TACR1: variants seen among roughly 807,000 people sequenced by gnomAD.
The protein encoded by TACR1 is substance-P receptor.
In TACR1, 25 loss-of-function variants were observed where a neutral mutation model predicts 35.8. The observed-to-expected ratio is 0.70, with a 90% CI of 0.51 to 0.98. The LOEUF (loss-of-function observed/expected upper bound fraction) is 0.98, where lower values mean the gene tolerates loss of function less well. TACR1 is among the 50% of genes least tolerant of loss of function. TACR1 has a pLI of 0.00. For missense variants in TACR1, 478 were observed against 522.9 expected (o/e 0.91, Z 0.84); for synonymous variants, 195 against 206.7 (o/e 0.94, Z 0.48).
At chr2:75,122,017 G>T (rs1356532311) in intron 1 of TACR1, among the ~76,000 whole-genome samples, 4 of 152,200 alleles carry the variant, frequency 2.6e-5, no homozygotes, top group Non-Finnish European at 5.9e-5. Context: ...TATTCAGTAT[G>T]CGCTCAATAA....
At position 75,164,220 on chromosome 2, in the gene TACR1, G is replaced by A. The variant is rs184719345; in HGVS notation, c.389+34326C>T. ...CGGGCACCTGTGATCCCAGCTACTCGGGAGGCTGAGGCAGGAGAATGGCGT... is the reference window on the plus strand; with the variant it reads ...CGGGCACCTGTGATCCCAGCTACTCAGGAGGCTGAGGCAGGAGAATGGCGT... On this transcript the variant is annotated intron_variant, in intron 1 of 4. Transcript: ENST00000305249. Among the ~76,000 whole-genome samples, 1,102 of 151,840 alleles carry A rather than the reference G, an allele frequency of 7.3e-3. 23 individuals carry two copies. Among genetic ancestry groups the A allele is most frequent in the African/African-American group, 0.026 (1,061 of 41,400 alleles).
At chr2:75,189,533 G>C (rs1162439868) in intron 1 of TACR1, 2 of 152,224 alleles carry the variant, frequency 1.3e-5, no homozygotes, top group African/African-American at 4.8e-5. Context: ...TGATATATTA[G>C]AGAATTTGAC....
At chr2:75,100,522 A>G (rs908924785) in intron 2 of TACR1, among the ~76,000 whole-genome samples, 4 of 152,140 alleles carry the variant, frequency 2.6e-5, no homozygotes, top group Admixed American at 6.5e-5. Context: ...GCTGATTACT[A>G]TCTTGGTCTG....
At chr2:75,121,598 G>T (rs1300163408) in intron 1 of TACR1, among the ~76,000 whole-genome samples, 1 of 151,882 alleles carries the variant, frequency 6.6e-6, no homozygotes, top group African/African-American at 2.4e-5. Context: ...ATGTTGCAGA[G>T]ATTTGAAGGA....
intron 2 of TACR1, among the ~76,000 whole-genome samples, chr2:75,070,215 ATGTATGTGTGTG>A (rs1412824322): frequency 2.2e-5 from 2 of 92,926 alleles, no homozygotes; most frequent in Non-Finnish European, 3.9e-5. Context: ...CCAACATTGT[ATGTATGTGTGTG>A]TGTGTATGTG....
chr2:75,155,085 C>A (rs561336340), intron 1 of TACR1, among the ~76,000 whole-genome samples: 62 of 152,308 alleles, frequency 4.1e-4, no homozygotes, highest in African/African-American at 1.5e-3. Flanking sequence ...GGCTGTTACA[C>A]TTTGACCTCC....
At chr2:75,168,736 T>C (rs1675205640) in intron 1 of TACR1, among the ~76,000 whole-genome samples, 1 of 152,240 alleles carries the variant, frequency 6.6e-6, no homozygotes, top group Admixed American at 6.5e-5. Flanking sequence ...ATGGGCTGAT[T>C]TGCTATCAGT....
At chr2:75,133,627 C>T (rs2103933880) in intron 1 of TACR1, among the ~76,000 whole-genome samples, 1 of 152,264 alleles carries the variant, frequency 6.6e-6, no homozygotes. Context: ...GCTTCGGCAC[C>T]TTTGGTTTGC....
At chr2:75,176,380 G>A (rs1187294191) in intron 1 of TACR1, among the ~76,000 whole-genome samples, 2 of 150,224 alleles carry the variant, frequency 1.3e-5, no homozygotes, top group Admixed American at 1.3e-4. Context: ...CAGATTCCAG[G>A]TTCCTCTCTC....
At position 75,051,073 on chromosome 2, in the gene TACR1, C is replaced by T; in HGVS notation, c.932+178G>A. On this transcript the variant is annotated intron_variant, in intron 4 of 4. Transcript: ENST00000305249. ...AAAGAAAATCAGTCCACTCCGGGCT[C>T]CCATTCCTGGATGGTGATAATCAGC... 6.7e-6 allele frequency: 5 copies of T among 742,064 alleles called. No homozygotes were observed. In the South Asian group the frequency reaches 9.2e-5, roughly 14 times the overall value. 46.0% of individuals were successfully genotyped at this position (742,064 alleles called of 1,614,324 possible). A position where few individuals can be genotyped will look rare whatever the true frequency, so the allele number is the denominator to read the frequency against.
intron 1 of TACR1, among the ~76,000 whole-genome samples, chr2:75,180,826 GTTGT>G (rs965267710): frequency 1.3e-5 from 2 of 152,184 alleles, no homozygotes; most frequent in Admixed American, 1.3e-4. Context: ...AGGTCATGTG[GTTGT>G]TTGTTACACA....
rs1264202074 is a variant in TACR1 at position 75,127,736 on chromosome 2, T to G, written c.390-6968A>C. 2.0e-5 allele frequency among the ~76,000 whole-genome samples: 3 copies of G among 152,250 alleles called. No homozygotes were observed. In the East Asian group the frequency reaches 5.8e-4, roughly 29 times the overall value. ...GGCTATTAGGAAACAAAGTACCTGA[T>G]GTAGGAGCTCATGAGACGAGGTGAT... On this transcript the variant is annotated intron_variant, in intron 1 of 4. Coordinates refer to ENST00000305249, the MANE Select transcript of TACR1 (RefSeq NM_001058.4).
intron 2 of TACR1, among the ~76,000 whole-genome samples, chr2:75,079,029 G>A (rs961405140): frequency 2.0e-5 from 3 of 152,076 alleles, no homozygotes; most frequent in Admixed American, 1.3e-4. Context: ...TGTGCTTGAG[G>A]TCCTACCAGT....
At chr2:75,145,252 G>T (rs1482212432) in intron 1 of TACR1, among the ~76,000 whole-genome samples, 4 of 152,038 alleles carry the variant, frequency 2.6e-5, no homozygotes, top group Non-Finnish European at 5.9e-5. Context: ...TAAATAAAGT[G>T]TATATATTTT....
rs1672396295 is a variant in TACR1 at position 75,048,150 on chromosome 2, A to G, written c.*1282T>C. 1 of 152,262 alleles carries G rather than the reference A, an allele frequency of 6.6e-6. No individual in the cohort carries two copies. Among genetic ancestry groups the G allele is most frequent in the African/African-American group, 2.4e-5 (1 of 41,462 alleles). The allele number at this position is 152,262 out of a possible 1,614,324, so 9.4% of individuals were successfully genotyped here. ...GCCATGGAGCAGGGAGGAGACATTCAGAGAGTCTGAAGGGAAGATGCAAGA... is the reference window on the plus strand; with the variant it reads ...GCCATGGAGCAGGGAGGAGACATTCGGAGAGTCTGAAGGGAAGATGCAAGA... On this transcript the variant is annotated 3_prime_UTR_variant, in exon 5 of 5. Coordinates refer to ENST00000305249, the MANE Select transcript of TACR1 (RefSeq NM_001058.4).
intron 1 of TACR1, among the ~76,000 whole-genome samples, chr2:75,125,479 C>T (rs953672398): frequency 3.3e-5 from 5 of 152,126 alleles, no homozygotes; most frequent in African/African-American, 7.2e-5. Flanking sequence ...GCCACCGCGC[C>T]GGGCCTTTAT....
chr2:75,154,406 G>GCGCACACA (rs1264139655), intron 1 of TACR1: 2 of 78,514 alleles, frequency 2.5e-5, no homozygotes, highest in Non-Finnish European at 5.1e-5. Flanking sequence ...CCAAGAGCGC[G>GCGCACACA]CACGCACACA....
intron 2 of TACR1, among the ~76,000 whole-genome samples, chr2:75,077,682 C>G (rs1673006960): frequency 6.6e-6 from 1 of 152,182 alleles, no homozygotes; most frequent in Non-Finnish European, 1.5e-5. Flanking sequence ...GCCTGAGATG[C>G]TGGGGTAACA....
intron 1 of TACR1, among the ~76,000 whole-genome samples, chr2:75,124,579 A>G (rs1049839841): frequency 4.6e-5 from 7 of 152,192 alleles, no homozygotes; most frequent in Middle Eastern, 3.4e-3. Flanking sequence ...AGGGTTGGCA[A>G]TTTTTTTCTG....
Sources: gnomAD v4.1 joint callset for allele counts (sites outside exome capture counted in the v4.1 genomes callset) on GRCh38, gnomAD v4.1.1 for gene constraint, MANE v1.5 for transcripts, NCBI Gene and HGNC (gene_info 2026-07-23, HGNC 2026-07-21) for gene names.